The following SMAD5 variants were observed in gnomAD, a reference collection of about 807,000 sequenced individuals.
The protein encoded by SMAD5 is MAD, mothers against decapentaplegic homolog 5.
SMAD5 carries 9 observed loss-of-function variants against 43.1 expected under a neutral mutation model. The observed-to-expected ratio is 0.21, with a 90% CI of 0.13 to 0.36. The LOEUF is 0.36. Ranked by LOEUF, SMAD5 falls within the 10% of genes least tolerant of loss-of-function variation. The pLI, the probability that SMAD5 is intolerant of heterozygous loss-of-function variation, is 1.00. For missense variants in SMAD5, 348 were observed against 574.0 expected (o/e 0.61, Z 4.02); for synonymous variants, 190 against 192.4 (o/e 0.99, Z 0.10).
chr5:136,144,112 CA>C (rs1414735366), intron 1 of SMAD5, among the ~76,000 whole-genome samples: 1 of 152,044 alleles, frequency 6.6e-6, no homozygotes, highest in Non-Finnish European at 1.5e-5. Context: ...ATTCATACGG[CA>C]GTTTTGATGA....
In SMAD5 at chr5:136,153,731, TA is replaced by T; in HGVS notation, c.-29del. Reference sequence around the variant, plus strand: ...CTTTCGGTAGCCACTGACTTTGAGTTACAGGAAGGTCTCCGAAGATTTGTGT... The same window carrying T: ...CTTTCGGTAGCCACTGACTTTGAGTTCAGGAAGGTCTCCGAAGATTTGTGT... On this transcript the variant is annotated 5_prime_UTR_variant, in exon 3 of 8. Transcript: ENST00000545279. 1 of 1,569,624 alleles carries T rather than the reference TA, an allele frequency of 6.4e-7. No individual in the cohort carries two copies. The highest frequency in any genetic ancestry group is 1.7e-4 in the Middle Eastern group (1 of 5,982).
Position 136,160,856 on chromosome 5 carries a change from T to C in SMAD5, c.404T>C (p.Val135Ala), listed in dbSNP as rs374203695. The C allele has an allele frequency of 1.9e-6, 3 of 1,613,584 alleles. No individual in the cohort carries two copies. Among genetic ancestry groups the C allele is most frequent in the Non-Finnish European group, 2.5e-6 (3 of 1,179,550 alleles). The change falls in exon 4 of 8, where the codon GTC becomes GCC. Residue 135 changes from valine (V) to alanine (A), a missense_variant and splice_region_variant. By Grantham distance (64) the Val-to-Ala change is moderately conservative. Around this residue, in one of 5 missense-constraint regions of SMAD5, gnomAD observed 185 missense variants for 207.0 expected, o/e 0.89. Coordinates refer to ENST00000545279, the MANE Select transcript of SMAD5 (RefSeq NM_005903.7). Reference protein sequence around the residue: ...PYHYKRVESPVLPPVLVPRHN... With the variant: ...PYHYKRVESPALPPVLVPRHN... Reference sequence around the variant, plus strand: ...ATGACTTTTGATTTTTGTTTTTCAGTCTTACCTCCAGTATTAGTGCCTCGT... The same window carrying C: ...ATGACTTTTGATTTTTGTTTTTCAGCCTTACCTCCAGTATTAGTGCCTCGT...
At chr5:136,148,248 TAA>T (rs1391916467) in intron 2 of SMAD5, among the ~76,000 whole-genome samples, 3 of 135,938 alleles carry the variant, frequency 2.2e-5, no homozygotes, top group African/African-American at 9.2e-5. Flanking sequence ...GCATTAGCTT[TAA>T]GTTGTTCTTT....
intron 4 of SMAD5, among the ~76,000 whole-genome samples, chr5:136,162,689 T>C (rs1301106756): frequency 6.6e-6 from 1 of 152,202 alleles, no homozygotes; most frequent in East Asian, 1.9e-4. Flanking sequence ...GTGTTGAAAC[T>C]CAAAGATTTT....
intron 1 of SMAD5, among the ~76,000 whole-genome samples, chr5:136,138,109 T>A (rs374419643): frequency 1.4e-4 from 22 of 152,172 alleles, no homozygotes; most frequent in African/African-American, 5.3e-4. Flanking sequence ...TCTGTGGGGG[T>A]GAGTGATACA....
chr5:136,137,161 CTTTA>C (rs1752913212), intron 1 of SMAD5, among the ~76,000 whole-genome samples: 1 of 148,810 alleles, frequency 6.7e-6, no homozygotes, highest in Admixed American at 6.8e-5. Flanking sequence ...AGAAAGAGTT[CTTTA>C]TTAAGTCAGT....
At chr5:136,151,426 C>T (rs142698202) in intron 2 of SMAD5, among the ~76,000 whole-genome samples, 11 of 151,930 alleles carry the variant, frequency 7.2e-5, no homozygotes, top group African/African-American at 9.7e-5. Flanking sequence ...CGTTAAGTTA[C>T]GGGAGAAGAG....
At position 136,153,672 on chromosome 5, in the gene SMAD5, G is replaced by A; in HGVS notation, c.-89G>A. On this transcript the variant is annotated 5_prime_UTR_variant, in exon 3 of 8. An upstream open reading frame in the 5' UTR loses its in-frame stop. Coordinates refer to ENST00000545279, the MANE Select transcript of SMAD5 (RefSeq NM_005903.7). ...CCTTTTTAATTGGAACTTCTGCTTA[G>A]GACCTGTGTATGACGTTTCACCTGT... The A allele has an allele frequency of 2.9e-6, 3 of 1,046,358 alleles. No individual in the cohort carries two copies. Among genetic ancestry groups the A allele is most frequent in the Non-Finnish European group, 2.8e-6 (2 of 719,318 alleles). 64.8% of individuals were successfully genotyped at this position (1,046,358 alleles called of 1,614,324 possible). A position where few individuals can be genotyped will look rare whatever the true frequency, so the allele number is the denominator to read the frequency against.
At position 136,177,488 on chromosome 5, in the gene SMAD5, G is replaced by C. The variant is rs369946371; in HGVS notation, c.*8G>C. On this transcript the variant is annotated 3_prime_UTR_variant, in exon 8 of 8. Transcript: ENST00000545279. ...ATATCTTCTGTTTCATAATGCAGAA[G>C]TATTCTTTTCAATTATATTGTTAGT... 6.9e-6 allele frequency: 11 copies of C among 1,597,568 alleles called. No homozygotes were observed. In the African/African-American group the frequency reaches 1.5e-4, roughly 21 times the overall value.
chr5:136,152,805 G>T (rs1409558947), intron 2 of SMAD5: 1 of 152,164 alleles, frequency 6.6e-6, no homozygotes, highest in East Asian at 1.9e-4. Flanking sequence ...TCGGTGGAGT[G>T]CCTGTCACTT....
intron 1 of SMAD5, among the ~76,000 whole-genome samples, chr5:136,145,831 T>C (rs1221536744): frequency 6.6e-6 from 1 of 151,986 alleles, no homozygotes; most frequent in Admixed American, 6.6e-5. Context: ...CCCAAGTTTA[T>C]TAGGCTTCAA....
intron 5 of SMAD5, among the ~76,000 whole-genome samples, chr5:136,172,114 G>A (rs1754242994): frequency 6.6e-6 from 1 of 152,146 alleles, no homozygotes. Context: ...CCTTGATCTT[G>A]GACTTCCCAG....
chr5:136,167,777 CAAAAAAAA>C (rs1016927753), intron 5 of SMAD5, among the ~76,000 whole-genome samples: 1 of 56,394 alleles, frequency 1.8e-5, no homozygotes, highest in African/African-American at 6.6e-5. Flanking sequence ...GATTCCATCT[CAAAAAAAA>C]AAAAAAAAAA....
chr5:136,167,258 G>A (rs551871469), intron 5 of SMAD5, among the ~76,000 whole-genome samples: 1 of 151,326 alleles, frequency 6.6e-6, no homozygotes, highest in South Asian at 2.1e-4. Flanking sequence ...ATTTGTACCT[G>A]TCTTTAGGAA....
At chr5:136,154,385 C>G (rs1753564480) in intron 3 of SMAD5, among the ~76,000 whole-genome samples, 1 of 152,150 alleles carries the variant, frequency 6.6e-6, no homozygotes, top group Non-Finnish European at 1.5e-5. Context: ...TCACTGTAAG[C>G]ACCCATATAT....
rs760159814 is a variant in SMAD5 at position 136,162,869 on chromosome 5, G to A, written c.656-403G>A. On this transcript the variant is annotated intron_variant, in intron 4 of 7. Coordinates refer to ENST00000545279, the MANE Select transcript of SMAD5 (RefSeq NM_005903.7). ...TAAATGACAGTATACAGTATGTGCT[G>A]ATCTTAATAATTTAAAAGTGTCTCT... is the stretch of plus-strand genomic sequence containing the variant. Among the ~76,000 whole-genome samples, 267 of 152,280 alleles carry A rather than the reference G, an allele frequency of 1.8e-3. 5 individuals carry two copies. Among genetic ancestry groups the A allele is most frequent in the Admixed American group, 1.3e-3 (20 of 15,290 alleles).
chr5:136,135,479 A>C (rs1168649937), intron 1 of SMAD5, among the ~76,000 whole-genome samples: 1 of 152,210 alleles, frequency 6.6e-6, no homozygotes, highest in African/African-American at 2.4e-5. Context: ...CCTCTACTGA[A>C]AACAGATTTG....
chr5:136,159,997 T>G (rs1753773184), intron 3 of SMAD5, among the ~76,000 whole-genome samples: 1 of 152,234 alleles, frequency 6.6e-6, no homozygotes, highest in South Asian at 2.1e-4. Context: ...TGTAAATGTT[T>G]GAAGAATCAG....
chr5:136,154,058 A>G lies in SMAD5; in HGVS notation c.298A>G (p.Ser100Gly). ...TGTTTGGCGCTGGCCGGATTTGCAG[A>G]GTCATCATGAGCTAAAGCCGTTGGA... Reference protein sequence around the residue: ...CRVWRWPDLQSHHELKPLDIC... With the variant: ...CRVWRWPDLQGHHELKPLDIC... The change falls in exon 3 of 8, where the codon AGT becomes GGT. Residue 100 changes from serine to glycine, a missense_variant. By Grantham distance (56) the Ser-to-Gly change is moderately conservative. This residue lies in a region of SMAD5 where 27 missense variants were observed against 53.9 expected (regional missense o/e 0.50). Transcript: ENST00000545279. The G allele has an allele frequency of 2.5e-6, 4 of 1,603,812 alleles. No individual in the cohort carries two copies. Among genetic ancestry groups the G allele is most frequent in the Non-Finnish European group, 3.4e-6 (4 of 1,175,652 alleles).
Sources: allele counts gnomAD v4.1 joint callset (sites outside exome capture counted in the v4.1 genomes callset), GRCh38; gene constraint gnomAD v4.1.1; regional missense constraint gnomAD v4.1.1; transcripts MANE v1.5; gene names NCBI Gene and HGNC (gene_info 2026-07-23, HGNC 2026-07-21).